Variants in PLD5 observed in about 807,000 individuals in gnomAD.
PLD5 encodes the protein phospholipase D family member 5, also known as inactive phospholipase D5.
PLD5 carries 36 observed loss-of-function variants against 61.1 expected under a neutral mutation model. That is an observed-to-expected ratio of 0.59 (90% CI 0.45 to 0.78). The LOEUF (loss-of-function observed/expected upper bound fraction) is 0.78, where lower values mean the gene tolerates loss of function less well. PLD5 is among the 30% of genes least tolerant of loss of function. PLD5 has a pLI of 0.00. For missense variants in PLD5, 515 were observed against 644.4 expected (o/e 0.80, Z 2.17); for synonymous variants, 243 against 242.8 (o/e 1.00, Z -0.01).
intron 1 of PLD5, among the ~76,000 whole-genome samples, chr1:242,477,318 G>A (rs1173607212): frequency 1.3e-5 from 2 of 152,130 alleles, no homozygotes; most frequent in African/African-American, 4.8e-5. Context: ...ACTGCATGGT[G>A]TTGTTAGCTG....
intron 2 of PLD5, among the ~76,000 whole-genome samples, chr1:242,336,846 A>T (rs1429421047): frequency 6.6e-6 from 1 of 152,234 alleles, no homozygotes; most frequent in Non-Finnish European, 1.5e-5. Flanking sequence ...TAAATCTAAG[A>T]TGATGAGTTT....
chr1:242,412,070 C>T (rs1339298101), intron 1 of PLD5, among the ~76,000 whole-genome samples: 2 of 152,148 alleles, frequency 1.3e-5, no homozygotes, highest in Admixed American at 6.5e-5. Flanking sequence ...AGAGAGGAAG[C>T]AGATGTCTCA....
intron 2 of PLD5, among the ~76,000 whole-genome samples, chr1:242,302,886 G>A (rs1476005400): frequency 1.3e-5 from 2 of 152,050 alleles, no homozygotes; most frequent in African/African-American, 2.4e-5. Flanking sequence ...AAGGGTAAAG[G>A]GAAATTTTTA....
At chr1:242,252,772 C>T (rs113682371) in intron 4 of PLD5, among the ~76,000 whole-genome samples, 2 of 150,820 alleles carry the variant, frequency 1.3e-5, no homozygotes, top group Non-Finnish European at 2.9e-5. Context: ...TTCTGAAAGA[C>T]TGCCATTTAT....
intron 2 of PLD5, among the ~76,000 whole-genome samples, chr1:242,325,846 G>A (rs190917938): frequency 6.6e-6 from 1 of 152,194 alleles, no homozygotes; most frequent in Non-Finnish European, 1.5e-5. Context: ...CCAGTTATAA[G>A]TCAGAAATTC....
intron 1 of PLD5, among the ~76,000 whole-genome samples, chr1:242,370,049 G>C (rs1328220911): frequency 1.3e-5 from 2 of 152,088 alleles, no homozygotes; most frequent in Non-Finnish European, 2.9e-5. Context: ...TTGTGTATTA[G>C]TTTCTTTGCC....
chr1:242,398,526 T>C lies in PLD5; in HGVS notation c.190-50284A>G, dbSNP rs73128354. Among the ~76,000 whole-genome samples the C allele has an allele frequency of 7.5e-3, 1,141 of 152,318 alleles. 9 individuals carry two copies. The highest frequency in any genetic ancestry group is 0.026 in the African/African-American group (1,089 of 41,556). On this transcript the variant is annotated intron_variant, in intron 1 of 9. Transcript: ENST00000536534. Reference sequence around the variant, plus strand: ...CATAGGCTGACGTCTTTCTCCACAATTCTCTTTACACAATTTGGCTATTGT... The same window carrying C: ...CATAGGCTGACGTCTTTCTCCACAACTCTCTTTACACAATTTGGCTATTGT...
At chr1:242,315,524 C>G (rs568042121) in intron 2 of PLD5, among the ~76,000 whole-genome samples, 1 of 152,262 alleles carries the variant, frequency 6.6e-6, no homozygotes, top group African/African-American at 2.4e-5. Context: ...GAGTCTTCAA[C>G]ATCCTCGGCA....
At chr1:242,378,853 C>A (rs373141481) in intron 1 of PLD5, among the ~76,000 whole-genome samples, 5 of 151,616 alleles carry the variant, frequency 3.3e-5, no homozygotes, top group African/African-American at 9.7e-5. Flanking sequence ...AAAAATAAAA[C>A]AATAAAAAAT....
intron 6 of PLD5, among the ~76,000 whole-genome samples, chr1:242,117,293 G>A (rs187828466): frequency 1.5e-4 from 23 of 152,128 alleles, no homozygotes; most frequent in South Asian, 8.3e-4. Flanking sequence ...TGCTCATGCC[G>A]GCTTCTCTGG....
At chr1:242,211,099 A>G (rs933236474) in intron 5 of PLD5, among the ~76,000 whole-genome samples, 3 of 152,226 alleles carry the variant, frequency 2.0e-5, no homozygotes, top group Non-Finnish European at 4.4e-5. Context: ...CCTAGCTGGG[A>G]TCATCGATGA....
At chr1:242,331,364 A>T (rs546195070) in intron 2 of PLD5, among the ~76,000 whole-genome samples, 1 of 151,974 alleles carries the variant, frequency 6.6e-6, no homozygotes, top group Non-Finnish European at 1.5e-5. Context: ...ACTTGACAGT[A>T]ATGTATACAA....
intron 1 of PLD5, among the ~76,000 whole-genome samples, chr1:242,435,176 G>A (rs906618767): frequency 1.3e-4 from 20 of 152,008 alleles, no homozygotes; most frequent in South Asian, 2.1e-4. Flanking sequence ...TCCTATTTGC[G>A]AATTCACCTA....
At chr1:242,339,806 T>C (rs575695313) in intron 2 of PLD5, among the ~76,000 whole-genome samples, 36 of 152,236 alleles carry the variant, frequency 2.4e-4, no homozygotes, top group Non-Finnish European at 4.7e-4. Context: ...CTGAAGGAGT[T>C]ACATCAGGTG....
In PLD5 at chr1:242,328,297, GTTCTACATATA is replaced by G. The variant is rs897150703; in HGVS notation, c.326+19798_326+19808del. On this transcript the variant is annotated intron_variant, in intron 2 of 9. Coordinates refer to ENST00000536534, the MANE Select transcript of PLD5 (RefSeq NM_001372062.1). ...ATATATATTATATATATGTATGTAT[GTTCTACATATA>G]TATGTTCTACATATATGTGTTTTAC... Among the ~76,000 whole-genome samples the G allele has an allele frequency of 3.0e-3, 11 of 3,714 alleles. No individual in the cohort carries two copies. The East Asian group carries it at 0.17, about 56-fold the overall frequency. 2.4% of individuals were successfully genotyped at this position (3,714 alleles called of 152,430 possible).
At chr1:242,361,853 G>T (rs1216524233) in intron 1 of PLD5, among the ~76,000 whole-genome samples, 1 of 152,038 alleles carries the variant, frequency 6.6e-6, no homozygotes, top group Non-Finnish European at 1.5e-5. Flanking sequence ...TTTGCACCTA[G>T]GCTGGGTGTG....
chr1:242,195,628 C>G (rs1000767535), intron 5 of PLD5, among the ~76,000 whole-genome samples: 1 of 152,128 alleles, frequency 6.6e-6, no homozygotes, highest in Non-Finnish European at 1.5e-5. Flanking sequence ...AGAGTGAGAG[C>G]AGGATCAAAG....
chr1:242,120,277 C>A (rs1298625024), intron 6 of PLD5, among the ~76,000 whole-genome samples: 2 of 152,102 alleles, frequency 1.3e-5, no homozygotes. Flanking sequence ...CTATACTCAA[C>A]CCCACTAAAT....
chr1:242,365,628 G>C (rs1012984188), intron 1 of PLD5: 9 of 158,786 alleles, frequency 5.7e-5, no homozygotes, highest in African/African-American at 1.9e-4. Context: ...ATGAGGTGAA[G>C]TCCACAATCA....
Sources: allele counts gnomAD v4.1 joint callset (sites outside exome capture counted in the v4.1 genomes callset), GRCh38; gene constraint gnomAD v4.1.1; transcripts MANE v1.5; gene names NCBI Gene and HGNC (gene_info 2026-07-23, HGNC 2026-07-21).